The following ABCA4 variants were observed in gnomAD, a reference collection of about 807,000 sequenced individuals.
ABCA4 encodes retinal-specific phospholipid-transporting ATPase ABCA4.
Under a neutral mutation model 263.7 loss-of-function variants are expected in ABCA4, and 196 were observed. That is an observed-to-expected ratio of 0.74 (90% confidence interval 0.66 to 0.84). The LOEUF (loss-of-function observed/expected upper bound fraction) is 0.84, where lower values mean the gene tolerates loss of function less well. Ranked by LOEUF, ABCA4 falls within the 40% of genes least tolerant of loss-of-function variation. The pLI is 0.00. For missense variants in ABCA4, 2,792 were observed against 2,855.1 expected (o/e 0.98, Z 0.50); for synonymous variants, 1,133 against 1,094.2 (o/e 1.04, Z -0.70).
intron 14 of ABCA4, among the ~76,000 whole-genome samples, chr1:94,060,012 T>A (rs1661075773): frequency 1.3e-5 from 2 of 152,156 alleles, no homozygotes. Context: ...GTGTTGGAGC[T>A]TTTTCAGGCA....
intron 9 of ABCA4, among the ~76,000 whole-genome samples, chr1:94,079,043 C>T (rs1261534048): frequency 6.6e-6 from 1 of 152,072 alleles, no homozygotes; most frequent in Non-Finnish European, 1.5e-5. Context: ...AGCCAGGATT[C>T]AGAGAATTGT....
chr1:94,011,253 A>C lies in ABCA4; in HGVS notation c.5584+9T>G. 1.2e-6 allele frequency: 2 copies of C among 1,613,882 alleles called. No homozygotes were observed. The highest frequency in any genetic ancestry group is 1.7e-6 in the Non-Finnish European group (2 of 1,179,930). ...GGCCCATGCTCCATGGGCCTCGGCT[A>C]CCACCCACCAAACCGGGCATAGACA... On this transcript the variant is annotated intron_variant, in intron 39 of 49. Coordinates refer to ENST00000370225, the MANE Select transcript of ABCA4 (RefSeq NM_000350.3).
chr1:94,078,742 C>T (rs781548278), intron 9 of ABCA4, 36 bp from the exon 10 acceptor site: 3 of 1,461,460 alleles, frequency 2.1e-6, no homozygotes, highest in Non-Finnish European at 2.9e-6. Flanking sequence ...GAGACACGAA[C>T]AGAGAGAAAA....
intron 11 of ABCA4, among the ~76,000 whole-genome samples, chr1:94,072,540 A>C (rs1467124934): frequency 6.6e-6 from 1 of 152,344 alleles, no homozygotes; most frequent in East Asian, 1.9e-4. Context: ...GCTGAAGGGC[A>C]ATAAGAAGAA....
In ABCA4 at chr1:94,037,348, C is replaced by T. The variant is rs61750127; in HGVS notation, c.3610G>A (p.Asp1204Asn). 2.3e-5 allele frequency: 37 copies of T among 1,613,888 alleles called. No homozygotes were observed. The highest frequency in any genetic ancestry group is 3.3e-4 in the Middle Eastern group (2 of 6,084). Residue 1204 changes from aspartate (D) to asparagine (N), a missense_variant and splice_region_variant, in exon 25 of 50, where the codon GAT becomes AAT. Coordinates refer to ENST00000370225, the MANE Select transcript of ABCA4 (RefSeq NM_000350.3). ...ACTACATCCATCAGCTCATTTACAT[C>T]CCCTAGGACAAGAAAAAAGACTGAT... ...DLTPEQVLDG[D>N]VNELMDVVLH...
intron 43 of ABCA4, among the ~76,000 whole-genome samples, chr1:94,006,986 C>T (rs1469904553): frequency 6.6e-6 from 1 of 152,240 alleles, no homozygotes. Flanking sequence ...TCTGTTTAAA[C>T]ACATTTTATT....
rs1335441037 is a variant in ABCA4, at chr1:94,024,999, A to G, written c.4589T>C (p.Ile1530Thr). The G allele has an allele frequency of 1.2e-6, 2 of 1,614,050 alleles. No individual in the cohort carries two copies. Among genetic ancestry groups the G allele is most frequent in the Non-Finnish European group, 1.7e-6 (2 of 1,180,028 alleles). ...EILQDLTDRN[I>T]SDFLVKTYPA... ...ATACGTTTTTACCAAGAAGTCGGAG[A>G]TGTTCCTGTCCGTCAGGTCTTGTAG... The change falls in exon 31 of 50, where the codon ATC becomes ACC. Residue 1530 changes from isoleucine (I) to threonine (T), a missense_variant. Transcript: ENST00000370225.
chr1:94,020,515 C>T (rs927683228), intron 35 of ABCA4, among the ~76,000 whole-genome samples: 1 of 152,062 alleles, frequency 6.6e-6, no homozygotes, highest in African/African-American at 2.4e-5. Context: ...GAAGGAGACA[C>T]ACGAAAGTGT....
At chr1:94,107,468 G>T (rs1165166661) in intron 4 of ABCA4, among the ~76,000 whole-genome samples, 5 of 152,174 alleles carry the variant, frequency 3.3e-5, no homozygotes, top group Non-Finnish European at 7.3e-5. Flanking sequence ...TACTACACAC[G>T]TGACAGCACA....
chr1:94,029,062 T>C (rs998109426), intron 30 of ABCA4, among the ~76,000 whole-genome samples: 1 of 152,294 alleles, frequency 6.6e-6, no homozygotes, highest in Middle Eastern at 3.4e-3. Context: ...TATAATCTGT[T>C]TGGGTGGCTG....
intron 11 of ABCA4, among the ~76,000 whole-genome samples, chr1:94,068,947 G>A (rs1570398921): frequency 6.6e-6 from 1 of 152,338 alleles, no homozygotes; most frequent in Middle Eastern, 3.4e-3. Context: ...CAAGGAAAGG[G>A]CTTTCCTCCT....
intron 6 of ABCA4, among the ~76,000 whole-genome samples, chr1:94,091,948 G>C (rs1661981334): frequency 6.6e-6 from 1 of 152,176 alleles, no homozygotes. Flanking sequence ...TTTTCTTAAG[G>C]TAGAACAGAC....
intron 42 of ABCA4, among the ~76,000 whole-genome samples, 185 bp from the exon 43 acceptor site, chr1:94,007,925 T>C (rs1475747985): frequency 6.6e-6 from 1 of 152,196 alleles, no homozygotes; most frequent in East Asian, 1.9e-4. Flanking sequence ...ACACGGGCCC[T>C]GAGTGTAAAG....
In ABCA4 at chr1:94,060,573, C is replaced by A. The variant is rs753711353; in HGVS notation, c.2124G>T (p.Met708Ile). Residue 708 changes from methionine (M) to isoleucine (I), a missense_variant, in exon 14 of 50, where the codon ATG becomes ATT. Met to Ile is a conservative substitution (Grantham distance 10). Coordinates refer to ENST00000370225, the MANE Select transcript of ABCA4 (RefSeq NM_000350.3). ...CTWFLDSFSI[M>I]SMSIFLLTIF... Reference sequence around the variant, plus strand: ...TCGTCAGGAGGAAGATGCTCATCGACATGATGGAGAAGCTGTCCAGGAACC... The same window carrying A: ...TCGTCAGGAGGAAGATGCTCATCGAAATGATGGAGAAGCTGTCCAGGAACC... The A allele has an allele frequency of 6.2e-7, 1 of 1,614,182 alleles. No individual in the cohort carries two copies. The highest frequency in any genetic ancestry group is 1.7e-5 in the Admixed American group (1 of 60,028).
At chr1:94,097,803 G>A (rs1662166832) in intron 6 of ABCA4, among the ~76,000 whole-genome samples, 1 of 152,206 alleles carries the variant, frequency 6.6e-6, no homozygotes, top group Non-Finnish European at 1.5e-5. Flanking sequence ...AGGCTGGAGT[G>A]CAGTGGCGCA....
At chr1:94,046,891 C>G in intron 19 of ABCA4, 28 bp downstream of exon 19, 1 of 1,612,278 alleles carries the variant, frequency 6.2e-7, no homozygotes. Flanking sequence ...GCTAGCATGG[C>G]AGCCAGCTTC....
intron 11 of ABCA4, 91 bp downstream of exon 11, chr1:94,077,599 A>C: frequency 7.9e-7 from 1 of 1,261,448 alleles, no homozygotes. Context: ...TGAAAGCTTA[A>C]ATTCAAGACC....
chr1:93,997,919 G>C lies in ABCA4; in HGVS notation c.6671C>G (p.Ser2224Cys). The part of the protein sequence containing the change: ...SLARIFQLLL[S>C]HKDSLLIEEY... ...CTCGATGAGCAGGCTGTCCTTGTGGGAGAGGAGGAGCTGGAAGATCCTCGC... is the reference window on the plus strand; with the variant it reads ...CTCGATGAGCAGGCTGTCCTTGTGGCAGAGGAGGAGCTGGAAGATCCTCGC... Residue 2224 changes from serine to cysteine, a missense_variant, in exon 48 of 50, where the codon TCC becomes TGC. By Grantham distance (112) the Ser-to-Cys change is moderately radical. Coordinates refer to ENST00000370225, the MANE Select transcript of ABCA4 (RefSeq NM_000350.3). The C allele has an allele frequency of 3.1e-6, 5 of 1,614,050 alleles. No individual in the cohort carries two copies. Among genetic ancestry groups the C allele is most frequent in the Non-Finnish European group, 4.2e-6 (5 of 1,179,958 alleles).
rs140485828 is a variant in ABCA4 at position 94,033,792 on chromosome 1, C to T, written c.3863-1749G>A. Among the ~76,000 whole-genome samples the T allele has an allele frequency of 1.9e-3, 291 of 151,946 alleles. 1 individual carries two copies. Among genetic ancestry groups the T allele is most frequent in the African/African-American group, 6.7e-3 (279 of 41,452 alleles). ...GCCCTGGCACCTGCACTCAGAGGGG[C>T]GAAGTTCTGCAGGTTCTCGGTGCCA... On this transcript the variant is annotated intron_variant, in intron 26 of 49. Transcript: ENST00000370225.
Sources: allele counts gnomAD v4.1 joint callset (sites outside exome capture counted in the v4.1 genomes callset), GRCh38; gene constraint gnomAD v4.1.1; transcripts MANE v1.5; gene names NCBI Gene and HGNC (gene_info 2026-07-23, HGNC 2026-07-21).